The following LAX1 variants were observed in gnomAD, a reference collection of about 807,000 sequenced individuals.
LAX1 encodes lymphocyte transmembrane adapter 1.
Under a neutral mutation model 20.7 loss-of-function variants are expected in LAX1, and 17 were observed. The observed-to-expected ratio is 0.82, with a 90% CI of 0.56 to 1.23. LAX1 has a LOEUF of 1.23. Among genes scored for constraint, LAX1 ranks in the 50% most tolerant of loss-of-function variants. The pLI is 0.00. For missense variants in LAX1, 470 were observed against 487.0 expected, an observed-to-expected ratio of 0.97 and a Z score of 0.33; for synonymous variants, 165 against 181.0, an observed-to-expected ratio of 0.91 and a Z score of 0.71.
chr1:203,769,967 G>T (rs987467203), intron 1 of LAX1, among the ~76,000 whole-genome samples: 1 of 152,196 alleles, frequency 6.6e-6, no homozygotes, highest in Non-Finnish European at 1.5e-5. Flanking sequence ...GTGTGGCAGA[G>T]TGGAAAGAGC....
chr1:203,769,438 A>G (rs866549590), intron 1 of LAX1, among the ~76,000 whole-genome samples: 4 of 91,228 alleles, frequency 4.4e-5, no homozygotes, highest in South Asian at 3.6e-4. Context: ...AGAAAGAAAG[A>G]AAGAAGGAAA....
Position 203,774,483 on chromosome 1 carries a change from A to T in LAX1, c.999A>T (p.Gln333His), listed in dbSNP as rs369623922. 6.2e-7 allele frequency: 1 copy of T among 1,614,126 alleles called. No individual in the cohort carries two copies. The highest frequency in any genetic ancestry group is 2.2e-5 in the East Asian group (1 of 44,898). The change falls in exon 5 of 5, where the codon CAA becomes CAT. Residue 333 changes from glutamine (Q) to histidine (H), a missense_variant. Gln to His is a conservative substitution (Grantham distance 24). Coordinates refer to ENST00000442561, the MANE Select transcript of LAX1 (RefSeq NM_017773.4). ...DKTDDPGTHV[Q>H]CVKRTFLASG... ...CAGATGATCCCGGGACCCATGTCCAATGTGTCAAAAGGACATTCCTTGCTT... is the reference window on the plus strand; with the variant it reads ...CAGATGATCCCGGGACCCATGTCCATTGTGTCAAAAGGACATTCCTTGCTT...
intron 4 of LAX1, among the ~76,000 whole-genome samples, chr1:203,772,925 C>T (rs1245463882): frequency 1.3e-5 from 2 of 152,178 alleles, no homozygotes; most frequent in East Asian, 3.8e-4. Context: ...ATCTGCCCGC[C>T]TTGGCCTCCC....
rs1191127943 is a variant in LAX1 at position 203,769,455 on chromosome 1, A to AAGAAAGGAAGAAAGG, written c.90-1372_90-1371insGAAAGGAAGAAAGGA. ...AAAGAAAGAAAGAAGGAAAGAAAGA[A>AAGAAAGGAAGAAAGG]AAGAAAAGAAAGAAAGTTGTATAAA... is the stretch of plus-strand genomic sequence containing the variant. On this transcript the variant is annotated intron_variant, in intron 1 of 4. Coordinates refer to ENST00000442561, the MANE Select transcript of LAX1 (RefSeq NM_017773.4). Among the ~76,000 whole-genome samples the AAGAAAGGAAGAAAGG allele has an allele frequency of 2.6e-3, 173 of 66,452 alleles. 1 individual carries two copies. Among genetic ancestry groups the AAGAAAGGAAGAAAGG allele is most frequent in the African/African-American group, 7.9e-3 (170 of 21,648 alleles). 43.6% of individuals were successfully genotyped at this position (66,452 alleles called of 152,430 possible).
chr1:203,771,784 TCA>T lies in LAX1; in HGVS notation c.311-281_311-280del, dbSNP rs1667426810. 2.0e-5 allele frequency among the ~76,000 whole-genome samples: 3 copies of T among 152,256 alleles called. No homozygotes were observed. In the South Asian group the frequency reaches 6.2e-4, roughly 32 times the overall value. ...CAAGGAAGAGAACTCGGTGCCAGCA[TCA>T]CAGGCAGAGGATGGGGCAGGGAGGA... On this transcript the variant is annotated intron_variant, in intron 3 of 4. Coordinates refer to ENST00000442561, the MANE Select transcript of LAX1 (RefSeq NM_017773.4).
intron 2 of LAX1, 96 bp from the exon 3 acceptor site, chr1:203,771,271 G>A: frequency 1.2e-6 from 1 of 828,774 alleles, no homozygotes. Context: ...TGGCAAGGAT[G>A]GGGAGCATTT....
chr1:203,766,908 T>C (rs910306361), intron 1 of LAX1, among the ~76,000 whole-genome samples: 4 of 152,118 alleles, frequency 2.6e-5, no homozygotes, highest in African/African-American at 9.7e-5. Flanking sequence ...CAGGCTGGAG[T>C]GCAGTGGCGT....
At chr1:203,769,252 C>T (rs1037693402) in intron 1 of LAX1, among the ~76,000 whole-genome samples, 2 of 151,334 alleles carry the variant, frequency 1.3e-5, no homozygotes, top group African/African-American at 2.4e-5. Flanking sequence ...ATTAGCCGGG[C>T]GTGGTGGCGT....
chr1:203,770,771 T>C, intron 1 of LAX1, 57 bp from the exon 2 acceptor site: 1 of 1,376,278 alleles, frequency 7.3e-7, no homozygotes, highest in Non-Finnish European at 1.0e-6. Flanking sequence ...AGGAAATGTC[T>C]CCTCCAGCCT....
At chr1:203,771,048 A>G in intron 2 of LAX1, 111 bp downstream of exon 2, 1 of 874,220 alleles carries the variant, frequency 1.1e-6, no homozygotes, top group Non-Finnish European at 1.9e-6. Context: ...GGGAGTCCTC[A>G]GTTCTTACCC....
Position 203,765,500 on chromosome 1 carries a change from A to G in LAX1, c.-66A>G. 6.2e-7 allele frequency: 1 copy of G among 1,604,172 alleles called. No individual in the cohort carries two copies. Among genetic ancestry groups the G allele is most frequent in the Non-Finnish European group, 8.5e-7 (1 of 1,174,358 alleles). On this transcript the variant is annotated 5_prime_UTR_variant, in exon 1 of 5. Transcript: ENST00000442561. Reference sequence around the variant, plus strand: ...GGGAGAAGTGGTAGACATGCTGGCTAACTGATTATGATTAAGAGAAACTTA... The same window carrying G: ...GGGAGAAGTGGTAGACATGCTGGCTGACTGATTATGATTAAGAGAAACTTA...
rs1371024915 is a variant in LAX1, at chr1:203,774,964, T to C, written c.*283T>C. On this transcript the variant is annotated 3_prime_UTR_variant, in exon 5 of 5. Coordinates refer to ENST00000442561, the MANE Select transcript of LAX1 (RefSeq NM_017773.4). ...TAGAACTGTGAAGAAAGCAGGAAAG[T>C]AGTGCACAGTAGTCTAAGATTATTA... 2 of 430,096 alleles carry C rather than the reference T, an allele frequency of 4.7e-6. No homozygotes were observed. The highest frequency in any genetic ancestry group is 4.0e-5 in the East Asian group (1 of 25,264). The allele number at this position is 430,096 out of a possible 1,614,324, so 26.6% of individuals were successfully genotyped here.
intron 1 of LAX1, among the ~76,000 whole-genome samples, chr1:203,767,154 C>T (rs1667318521): frequency 6.6e-6 from 1 of 151,584 alleles, no homozygotes; most frequent in African/African-American, 2.4e-5. Context: ...GCCACCGGGT[C>T]TGGACCATCA....
chr1:203,773,819 G>T lies in LAX1; in HGVS notation c.391-56G>T, dbSNP rs2102270303. The T allele has an allele frequency of 5.4e-6, 3 of 554,724 alleles. No individual in the cohort carries two copies. The East Asian group carries it at 1.8e-4, about 33-fold the overall frequency. 34.4% of individuals were successfully genotyped at this position (554,724 alleles called of 1,614,324 possible). ...CCAGTGGTATTTTCCAAGAAGAAAG[G>T]CTTTGTCCATATTTCTGCTTGCATC... On this transcript the variant is annotated intron_variant, in intron 4 of 4. Coordinates refer to ENST00000442561, the MANE Select transcript of LAX1 (RefSeq NM_017773.4).
intron 1 of LAX1, 96 bp downstream of exon 1, chr1:203,765,750 C>A: frequency 1.8e-6 from 2 of 1,118,628 alleles, no homozygotes; most frequent in Admixed American, 3.9e-5. Context: ...GTGCTGCCAC[C>A]TCTCAACACC....
At chr1:203,769,364 C>A (rs1000969387) in intron 1 of LAX1, among the ~76,000 whole-genome samples, 1 of 144,326 alleles carries the variant, frequency 6.9e-6, no homozygotes, top group African/African-American at 2.6e-5. Flanking sequence ...TGCACTCCAG[C>A]CTGAGCGACA....
intron 1 of LAX1, among the ~76,000 whole-genome samples, chr1:203,768,844 C>T (rs552968161): frequency 2.6e-5 from 4 of 152,162 alleles, no homozygotes; most frequent in South Asian, 2.1e-4. Context: ...AGCTTAGACC[C>T]GAGTGGTGGC....
intron 2 of LAX1, 118 bp from the exon 3 acceptor site, chr1:203,771,249 T>C (rs1667415933): frequency 2.6e-6 from 2 of 763,698 alleles, no homozygotes; most frequent in Non-Finnish European, 4.7e-6. Flanking sequence ...GAAAGGGTAT[T>C]TTTGTGAGAA....
At chr1:203,770,798 C>T in intron 1 of LAX1, 30 bp from the exon 2 acceptor site, 1 of 1,553,740 alleles carries the variant, frequency 6.4e-7, no homozygotes. Flanking sequence ...CCTCCTACAG[C>T]TAGCACATGT....
Sources: allele counts gnomAD v4.1 joint callset (sites outside exome capture counted in the v4.1 genomes callset), GRCh38; gene constraint gnomAD v4.1.1; transcripts MANE v1.5; gene names NCBI Gene and HGNC (gene_info 2026-07-23, HGNC 2026-07-21).